Variants in UNC5C observed in about 807,000 individuals in gnomAD.
The protein encoded by UNC5C is netrin receptor UNC5C.
UNC5C carries 47 observed loss-of-function variants against 99.8 expected under a neutral mutation model. That is an observed-to-expected ratio of 0.47 (90% CI 0.37 to 0.60). The LOEUF (loss-of-function observed/expected upper bound fraction) is 0.60, where lower values mean the gene tolerates loss of function less well. UNC5C is among the 20% of genes least tolerant of loss of function. The pLI is 0.00. For synonymous variants in UNC5C, 487 were observed against 452.2 expected, an observed-to-expected ratio of 1.08 and a Z score of -0.98; for missense variants, 1,062 against 1,165.9, an observed-to-expected ratio of 0.91 and a Z score of 1.30.
In UNC5C at chr4:95,490,579, TA is replaced by T. The variant is rs1375731066; in HGVS notation, c.124+58154del. Among the ~76,000 whole-genome samples, 9 of 151,808 alleles carry T rather than the reference TA, an allele frequency of 5.9e-5. No homozygotes were observed. In the East Asian group the frequency reaches 1.2e-3, roughly 20 times the overall value. On this transcript the variant is annotated intron_variant, in intron 1 of 15. Transcript: ENST00000453304. ...TTACCTTATTGCTTCAGTAAAATAT[TA>T]CTAAAAGATCAGCATAACCACAAAT...
chr4:95,301,303 C>T (rs1741865833), intron 3 of UNC5C, among the ~76,000 whole-genome samples: 1 of 149,266 alleles, frequency 6.7e-6, no homozygotes, highest in African/African-American at 2.5e-5. Flanking sequence ...TCAGGCCATT[C>T]TCCTGCCTCA....
Position 95,192,046 on chromosome 4 carries a change from C to T in UNC5C, c.2137-6850G>A, listed in dbSNP as rs1317473500. Reference sequence around the variant, plus strand: ...TTCACCTTCCTCCTCTGCTCACTTCCTCTGCTCACCCTCTTCCCCTGCTCA... The same window carrying T: ...TTCACCTTCCTCCTCTGCTCACTTCTTCTGCTCACCCTCTTCCCCTGCTCA... On this transcript the variant is annotated intron_variant, in intron 12 of 15. Coordinates refer to ENST00000453304, the MANE Select transcript of UNC5C (RefSeq NM_003728.4). 3.9e-4 allele frequency among the ~76,000 whole-genome samples: 54 copies of T among 140,090 alleles called. 1 individual carries two copies. The highest frequency in any genetic ancestry group is 1.7e-4 in the Non-Finnish European group (11 of 64,534). 91.9% of individuals were successfully genotyped at this position (140,090 alleles called of 152,430 possible).
At chr4:95,191,915 C>A in intron 12 of UNC5C, among the ~76,000 whole-genome samples, 1 of 139,532 alleles carries the variant, frequency 7.2e-6, no homozygotes, top group African/African-American at 2.7e-5. Context: ...GTTCACCCTT[C>A]CCCCTGCCCA....
intron 10 of UNC5C, among the ~76,000 whole-genome samples, chr4:95,214,846 T>C (rs1579237558): frequency 6.6e-6 from 1 of 151,790 alleles, no homozygotes; most frequent in East Asian, 1.9e-4. Flanking sequence ...TGATCTTCTT[T>C]TCTCCTGATG....
chr4:95,169,425 C>A, intron 15 of UNC5C, 26 bp from the exon 16 acceptor site: 2 of 1,611,242 alleles, frequency 1.2e-6, no homozygotes, highest in Non-Finnish European at 1.7e-6. Context: ...AGAAAATGTG[C>A]TCAACAGTGT....
chr4:95,396,529 C>G (rs1745515303), intron 1 of UNC5C, among the ~76,000 whole-genome samples: 1 of 151,994 alleles, frequency 6.6e-6, no homozygotes, highest in Admixed American at 6.6e-5. Flanking sequence ...TGGCTTGAAC[C>G]CGACCTTCAA....
intron 4 of UNC5C, among the ~76,000 whole-genome samples, chr4:95,259,458 G>A (rs1404662170): frequency 6.6e-6 from 1 of 152,084 alleles, no homozygotes; most frequent in Non-Finnish European, 1.5e-5. Context: ...TTCAGCCTTC[G>A]CTGGCATTTC....
At chr4:95,465,751 G>A (rs1250044299) in intron 1 of UNC5C, among the ~76,000 whole-genome samples, 1 of 152,038 alleles carries the variant, frequency 6.6e-6, no homozygotes. Context: ...AAAGCAGTCA[G>A]GTTAAAAAAA....
At chr4:95,304,429 A>G (rs900766206) in intron 2 of UNC5C, among the ~76,000 whole-genome samples, 6 of 151,944 alleles carry the variant, frequency 3.9e-5, no homozygotes, top group African/African-American at 1.5e-4. Context: ...AAATAACACC[A>G]CTTTGCCTCC....
At chr4:95,262,857 C>T (rs982225862) in intron 4 of UNC5C, among the ~76,000 whole-genome samples, 3 of 151,926 alleles carry the variant, frequency 2.0e-5, no homozygotes, top group Non-Finnish European at 4.4e-5. Flanking sequence ...CTCTGTCGCC[C>T]AGGCTGGAGT....
At chr4:95,350,746 A>G (rs72676441) in intron 1 of UNC5C, among the ~76,000 whole-genome samples, 13,272 of 152,232 alleles carry the variant, frequency 0.087, 785 homozygotes, top group Non-Finnish European at 0.13. Context: ...ATGTATTTGC[A>G]TGACACATGC....
intron 12 of UNC5C, among the ~76,000 whole-genome samples, chr4:95,201,821 G>T (rs551541728): frequency 3.9e-5 from 6 of 152,070 alleles, no homozygotes; most frequent in Admixed American, 1.3e-4. Flanking sequence ...AGCCAGGATG[G>T]TCTTGATCTC....
At chr4:95,288,693 A>G (rs931842438) in intron 3 of UNC5C, among the ~76,000 whole-genome samples, 1 of 152,222 alleles carries the variant, frequency 6.6e-6, no homozygotes, top group African/African-American at 2.4e-5. Context: ...CCCAGATTCC[A>G]GTGGCTGATG....
At chr4:95,301,865 C>T in intron 2 of UNC5C, 116 bp from the exon 3 acceptor site, 3 of 1,267,922 alleles carry the variant, frequency 2.4e-6, no homozygotes. Flanking sequence ...ATCAACAACC[C>T]AGATATTGTC....
rs1056360995 is a variant in UNC5C, at chr4:95,481,559, C to T, written c.124+67175G>A. On this transcript the variant is annotated intron_variant, in intron 1 of 15. Coordinates refer to ENST00000453304, the MANE Select transcript of UNC5C (RefSeq NM_003728.4). The stretch of plus-strand genomic sequence containing the variant: ...AAGAGCCCACATCGCCAAGTCAATC[C>T]TAAGCCAAAAGAACAAAACTGGAGG... Among the ~76,000 whole-genome samples the T allele has an allele frequency of 4.6e-5, 7 of 152,172 alleles. No homozygotes were observed. The East Asian group carries it at 7.8e-4, about 17-fold the overall frequency.
intron 1 of UNC5C, among the ~76,000 whole-genome samples, chr4:95,368,511 A>T (rs1446616773): frequency 1.3e-5 from 2 of 152,160 alleles, no homozygotes; most frequent in Non-Finnish European, 2.9e-5. Context: ...GATGACAGCT[A>T]ATGTATATTT....
intron 1 of UNC5C, among the ~76,000 whole-genome samples, chr4:95,532,285 T>C (rs377531474): frequency 3.4e-4 from 51 of 152,200 alleles, no homozygotes; most frequent in African/African-American, 1.1e-3. Context: ...AGTCTTGATT[T>C]CCACCTACAA....
chr4:95,543,619 C>T (rs1407203870), intron 1 of UNC5C, among the ~76,000 whole-genome samples: 2 of 152,078 alleles, frequency 1.3e-5, no homozygotes, highest in East Asian at 3.9e-4. Flanking sequence ...AAAAACTGTC[C>T]ACATTCACAT....
chr4:95,293,164 G>A (rs1741542147), intron 3 of UNC5C, among the ~76,000 whole-genome samples: 1 of 152,064 alleles, frequency 6.6e-6, no homozygotes, highest in Non-Finnish European at 1.5e-5. Flanking sequence ...CTTGCAAGCA[G>A]CCTATATGTG....
Sources: allele counts gnomAD v4.1 joint callset (sites outside exome capture counted in the v4.1 genomes callset), GRCh38; gene constraint gnomAD v4.1.1; transcripts MANE v1.5; gene names NCBI Gene and HGNC (gene_info 2026-07-23, HGNC 2026-07-21).